The following NEK11 variants were observed in gnomAD, a reference collection of about 807,000 sequenced individuals.
The protein encoded by NEK11 is NIMA related kinase 11.
In NEK11, 72 loss-of-function variants were observed where a neutral mutation model predicts 80.7. That is an observed-to-expected ratio of 0.89 (90% CI 0.74 to 1.08). The LOEUF (loss-of-function observed/expected upper bound fraction) is 1.08, where lower values mean the gene tolerates loss of function less well. Ranked by LOEUF, NEK11 falls within the 50% of genes least tolerant of loss-of-function variation. NEK11 has a pLI of 0.00. For missense variants in NEK11, 764 were observed against 763.6 expected (o/e 1.00, Z -0.01); for synonymous variants, 251 against 260.7 (o/e 0.96, Z 0.36).
chr3:131,174,917 C>A, intron 14 of NEK11: 1 of 1,449,078 alleles, frequency 6.9e-7, no homozygotes, highest in Non-Finnish European at 9.1e-7. Flanking sequence ...TTACCCACAT[C>A]CTGACCAGCT....
chr3:131,223,695 T>A (rs1474611096), intron 14 of NEK11, among the ~76,000 whole-genome samples: 3 of 152,192 alleles, frequency 2.0e-5, no homozygotes, highest in Non-Finnish European at 2.9e-5. Flanking sequence ...TATCTAGCCC[T>A]TTACAGAACA....
intron 5 of NEK11, among the ~76,000 whole-genome samples, chr3:131,129,281 C>G (rs2149549316): frequency 6.6e-6 from 1 of 152,242 alleles, no homozygotes; most frequent in Admixed American, 6.5e-5. Context: ...GTCTCGATCT[C>G]CTGACCTTGT....
rs980521052 is a variant in NEK11, at chr3:131,349,479, C to G, written c.1719-78C>G. ...CCCAGAATGACAATGTTTGTAAAATCAATGATTTAAAAGCACATTTTCCTG... is the reference window on the plus strand; with the variant it reads ...CCCAGAATGACAATGTTTGTAAAATGAATGATTTAAAAGCACATTTTCCTG... On this transcript the variant is annotated intron_variant, in intron 17 of 17. Transcript: ENST00000383366. 1.7e-5 allele frequency: 21 copies of G among 1,216,808 alleles called. No individual in the cohort carries two copies. The South Asian group carries it at 2.8e-4, about 16-fold the overall frequency. The allele number at this position is 1,216,808 out of a possible 1,614,324, so 75.4% of individuals were successfully genotyped here. A position where few individuals can be genotyped will look rare whatever the true frequency, so the allele number is the denominator to read the frequency against.
At chr3:131,202,621 A>G (rs993801606) in intron 14 of NEK11, among the ~76,000 whole-genome samples, 1 of 152,172 alleles carries the variant, frequency 6.6e-6, no homozygotes, top group African/African-American at 2.4e-5. Context: ...AAAAGAAACT[A>G]CCATCAGAGT....
chr3:131,289,873 G>T (rs1005817767), intron 17 of NEK11, among the ~76,000 whole-genome samples: 1 of 152,196 alleles, frequency 6.6e-6, no homozygotes, highest in Non-Finnish European at 1.5e-5. Flanking sequence ...GTGCAACACA[G>T]CTTGGAGAAA....
intron 4 of NEK11, among the ~76,000 whole-genome samples, chr3:131,080,968 G>T (rs2075168935): frequency 6.6e-6 from 1 of 151,816 alleles, no homozygotes; most frequent in Non-Finnish European, 1.5e-5. Context: ...AAATTAGCCG[G>T]GCGTGGTTGT....
In NEK11 at chr3:131,203,745, ATATGTG is replaced by A. The variant is rs201032066; in HGVS notation, c.1400-24781_1400-24776del. On this transcript the variant is annotated intron_variant, in intron 14 of 17. Transcript: ENST00000383366. ...TTGTATATTATATATGTGTATATAT[ATATGTG>A]TGTGTGTGTGTGTGTGTATATATAT... Among the ~76,000 whole-genome samples, 4 of 70,038 alleles carry A rather than the reference ATATGTG, an allele frequency of 5.7e-5. No homozygotes were observed. In the East Asian group the frequency reaches 1.7e-3, roughly 29 times the overall value. 45.9% of individuals were successfully genotyped at this position (70,038 alleles called of 152,430 possible). A position where few individuals can be genotyped will look rare whatever the true frequency, so the allele number is the denominator to read the frequency against.
At chr3:131,275,197 C>T (rs990116950) in intron 17 of NEK11, among the ~76,000 whole-genome samples, 4 of 151,996 alleles carry the variant, frequency 2.6e-5, no homozygotes, top group Non-Finnish European at 5.9e-5. Context: ...GGGAAACTAC[C>T]TCCACCTCTC....
chr3:131,117,632 G>C (rs906735466), intron 5 of NEK11, among the ~76,000 whole-genome samples: 4 of 152,052 alleles, frequency 2.6e-5, no homozygotes, highest in Non-Finnish European at 5.9e-5. Context: ...CCATTTCTTT[G>C]TGTCCTCTTT....
chr3:131,274,844 G>A (rs1317427782), intron 17 of NEK11, among the ~76,000 whole-genome samples: 14 of 151,180 alleles, frequency 9.3e-5, no homozygotes, highest in Non-Finnish European at 5.9e-5. Flanking sequence ...TAGTAGAGAC[G>A]GGGTTTCACC....
intron 17 of NEK11, among the ~76,000 whole-genome samples, chr3:131,340,043 G>A (rs2097261439): frequency 6.6e-6 from 1 of 152,230 alleles, no homozygotes; most frequent in East Asian, 1.9e-4. Context: ...TGGAACTCAT[G>A]ATTATTTTGA....
intron 17 of NEK11, among the ~76,000 whole-genome samples, chr3:131,309,501 A>T (rs1207048173): frequency 6.6e-6 from 1 of 152,182 alleles, no homozygotes; most frequent in Non-Finnish European, 1.5e-5. Flanking sequence ...GCTCAGGAAG[A>T]TGTTCTCATT....
chr3:131,138,069 G>A (rs1358165644), intron 7 of NEK11, among the ~76,000 whole-genome samples: 1 of 152,146 alleles, frequency 6.6e-6, no homozygotes, highest in Non-Finnish European at 1.5e-5. Context: ...CCAGGTACCA[G>A]CTCAGCCACA....
chr3:131,198,837 A>T (rs2150356955), intron 14 of NEK11, among the ~76,000 whole-genome samples: 1 of 152,316 alleles, frequency 6.6e-6, no homozygotes, highest in East Asian at 1.9e-4. Context: ...CTAAATGGGT[A>T]TTGGCTTTCT....
At chr3:131,326,078 A>G (rs1191580969) in intron 17 of NEK11, 2 of 152,218 alleles carry the variant, frequency 1.3e-5, no homozygotes, top group Non-Finnish European at 2.9e-5. Context: ...TTGTTTGTAG[A>G]TTAGAAACAG....
intron 17 of NEK11, among the ~76,000 whole-genome samples, chr3:131,338,803 A>G (rs926390846): frequency 1.4e-4 from 22 of 152,222 alleles, no homozygotes; most frequent in African/African-American, 5.1e-4. Flanking sequence ...AAACTGAAGG[A>G]ACAAAAACAG....
chr3:131,066,880 A>G (rs1342026177), intron 3 of NEK11, among the ~76,000 whole-genome samples: 2 of 151,698 alleles, frequency 1.3e-5, no homozygotes, highest in Non-Finnish European at 2.9e-5. Context: ...GAGGATTTAC[A>G]AGTGGGATCT....
At chr3:131,307,971 T>C (rs2096739330) in intron 17 of NEK11, among the ~76,000 whole-genome samples, 1 of 152,258 alleles carries the variant, frequency 6.6e-6, no homozygotes, top group African/African-American at 2.4e-5. Flanking sequence ...TGTTTGCTTC[T>C]CACTTTTTAA....
chr3:131,229,120 G>A (rs1463866431), intron 15 of NEK11, among the ~76,000 whole-genome samples: 5 of 152,134 alleles, frequency 3.3e-5, no homozygotes, highest in African/African-American at 4.8e-5. Context: ...GACTGACTTA[G>A]TTTTGGGGAT....
Sources: gnomAD v4.1 joint callset for allele counts (sites outside exome capture counted in the v4.1 genomes callset) on GRCh38, gnomAD v4.1.1 for gene constraint, MANE v1.5 for transcripts, NCBI Gene and HGNC (gene_info 2026-07-23, HGNC 2026-07-21) for gene names.